The following RGL1 variants were observed in gnomAD, a reference collection of about 807,000 sequenced individuals.
RGL1 encodes the protein ral guanine nucleotide dissociation stimulator like 1.
In RGL1, 24 loss-of-function variants were observed where a neutral mutation model predicts 95.2. That is an observed-to-expected ratio of 0.25 (90% CI 0.18 to 0.35). The LOEUF (loss-of-function observed/expected upper bound fraction) is 0.35. Ranked by LOEUF, RGL1 falls within the 10% of genes least tolerant of loss-of-function variation. RGL1 has a pLI of 1.00. For missense variants in RGL1, 715 were observed against 936.3 expected, an observed-to-expected ratio of 0.76 and a Z score of 3.08; for synonymous variants, 329 against 344.9, an observed-to-expected ratio of 0.95 and a Z score of 0.51.
chr1:183,812,962 A>G (rs1389153226), intron 2 of RGL1, among the ~76,000 whole-genome samples: 1 of 152,224 alleles, frequency 6.6e-6, no homozygotes, highest in African/African-American at 2.4e-5. Flanking sequence ...AATCTGCTTC[A>G]TCTTTAATGT....
chr1:183,819,530 A>G (rs1285467658), intron 2 of RGL1, among the ~76,000 whole-genome samples: 1 of 152,202 alleles, frequency 6.6e-6, no homozygotes, highest in Non-Finnish European at 1.5e-5. Context: ...GGCAAAATGT[A>G]AAGTTTATGC....
rs187342362 is a variant in RGL1, at chr1:183,911,394, G to C, written c.1563-688G>C. ...TGGGCCCTGGCTGTATATAGTTTTG[G>C]TTCTAACTCCTCACCATTCATAAAC... On this transcript the variant is annotated intron_variant, in intron 14 of 17. Coordinates refer to ENST00000360851, the MANE Select transcript of RGL1 (RefSeq NM_001297671.3). Among the ~76,000 whole-genome samples the C allele has an allele frequency of 7.9e-5, 12 of 152,256 alleles. No homozygotes were observed. The East Asian group carries it at 1.7e-3, about 22-fold the overall frequency.
chr1:183,674,301 A>G (rs1211169357), intron 1 of RGL1, among the ~76,000 whole-genome samples: 4 of 152,220 alleles, frequency 2.6e-5, no homozygotes, highest in Admixed American at 6.5e-5. Context: ...ATTTGTACCT[A>G]TAGTATTAAT....
intron 2 of RGL1, among the ~76,000 whole-genome samples, chr1:183,813,251 A>G (rs1173686097): frequency 5.9e-5 from 9 of 152,226 alleles, no homozygotes; most frequent in Non-Finnish European, 2.9e-5. Context: ...GCAGGTCAGC[A>G]AAAGGCTTTC....
intron 1 of RGL1, among the ~76,000 whole-genome samples, chr1:183,675,748 T>TC (rs1378344088): frequency 6.6e-6 from 1 of 152,190 alleles, no homozygotes; most frequent in African/African-American, 2.4e-5. Context: ...TATCCTCTGC[T>TC]CTTTAGTTTC....
At chr1:183,672,570 C>G (rs1054693314) in intron 1 of RGL1, among the ~76,000 whole-genome samples, 2 of 152,280 alleles carry the variant, frequency 1.3e-5, no homozygotes, top group Admixed American at 6.5e-5. Flanking sequence ...TCTAGTTCTC[C>G]ACTTCTTTCT....
chr1:183,732,442 A>G (rs1656682547), intron 1 of RGL1, among the ~76,000 whole-genome samples: 1 of 152,184 alleles, frequency 6.6e-6, no homozygotes, highest in Non-Finnish European at 1.5e-5. Flanking sequence ...TAAAGCCGAC[A>G]CCCAACCGAG....
At chr1:183,687,746 CCTT>C (rs946737497) in intron 1 of RGL1, among the ~76,000 whole-genome samples, 2 of 152,130 alleles carry the variant, frequency 1.3e-5, no homozygotes, top group African/African-American at 4.8e-5. Flanking sequence ...TTTGGACTGC[CCTT>C]CTTCCACTAA....
chr1:183,805,214 G>A lies in RGL1; in HGVS notation c.-84G>A, dbSNP rs534412861. On this transcript the variant is annotated 5_prime_UTR_variant, in exon 1 of 18. Coordinates refer to ENST00000360851, the MANE Select transcript of RGL1 (RefSeq NM_001297671.3). ...GGGACCGGGACCGGGGCGAGGCGCC[G>A]CGGGGCTGAGCCCAGCAGACATTGC... The A allele has an allele frequency of 1.5e-3, 2,364 of 1,564,290 alleles. 23 individuals carry two copies. The highest frequency in any genetic ancestry group is 0.012 in the South Asian group (1,019 of 84,630).
At chr1:183,762,770 GA>G (rs1194914370) in intron 2 of RGL1, among the ~76,000 whole-genome samples, 4 of 152,292 alleles carry the variant, frequency 2.6e-5, no homozygotes, top group African/African-American at 9.6e-5. Flanking sequence ...GGAGAAATAG[GA>G]ATGCTTTTAC....
At chr1:183,672,622 A>G (rs762691887) in intron 1 of RGL1, among the ~76,000 whole-genome samples, 24 of 152,322 alleles carry the variant, frequency 1.6e-4, no homozygotes, top group Middle Eastern at 6.8e-3. Context: ...AAGGGGTTTT[A>G]AAAATCCAGT....
intron 3 of RGL1, among the ~76,000 whole-genome samples, chr1:183,852,683 G>A (rs1455514657): frequency 6.6e-6 from 1 of 152,036 alleles, no homozygotes; most frequent in Non-Finnish European, 1.5e-5. Flanking sequence ...TATGGTGGCA[G>A]GCGTCTGTAG....
At chr1:183,824,420 C>A (rs1000778296) in intron 2 of RGL1, among the ~76,000 whole-genome samples, 1 of 152,122 alleles carries the variant, frequency 6.6e-6, no homozygotes, top group African/African-American at 2.4e-5. Context: ...TCCTCTTCAC[C>A]ATGCTGGTCC....
intron 1 of RGL1, among the ~76,000 whole-genome samples, chr1:183,729,513 A>G (rs1191983336): frequency 6.6e-6 from 1 of 152,186 alleles, no homozygotes; most frequent in Non-Finnish European, 1.5e-5. Flanking sequence ...TTTCCTGCAT[A>G]CACCGCTTAT....
chr1:183,677,860 C>G (rs1652938722), intron 1 of RGL1, among the ~76,000 whole-genome samples: 1 of 152,142 alleles, frequency 6.6e-6, no homozygotes, highest in Non-Finnish European at 1.5e-5. Flanking sequence ...GGACTTGAAT[C>G]CAGTCTGTGT....
chr1:183,724,240 G>A lies in RGL1; in HGVS notation c.-32-17886G>A, dbSNP rs142102033. ...GGTGTGACACAGCACATTCCCAGCT[G>A]TGGTGGCTATGAGGAGAGACTGTTT... On this transcript the variant is annotated intron_variant, in intron 1 of 18. Transcript: ENST00000304685. The surrounding 1 kb of genome is among the most constrained non-coding windows in gnomAD (Gnocchi z 4.1). Among the ~76,000 whole-genome samples the A allele has an allele frequency of 8.5e-5, 13 of 152,280 alleles. No homozygotes were observed. The East Asian group carries it at 2.5e-3, about 29-fold the overall frequency.
chr1:183,887,547 A>C (rs1667190216), intron 7 of RGL1, among the ~76,000 whole-genome samples: 1 of 152,242 alleles, frequency 6.6e-6, no homozygotes, highest in East Asian at 1.9e-4. Context: ...GTACGCTGTC[A>C]TGTGCCTGTA....
At chr1:183,787,349 C>A (rs1660228683) in intron 2 of RGL1, among the ~76,000 whole-genome samples, 1 of 152,232 alleles carries the variant, frequency 6.6e-6, no homozygotes, top group Non-Finnish European at 1.5e-5. Flanking sequence ...GGTACGAGTT[C>A]TTTGTCTGAA....
At chr1:183,732,530 TA>T (rs1656689575) in intron 1 of RGL1, among the ~76,000 whole-genome samples, 1 of 152,164 alleles carries the variant, frequency 6.6e-6, no homozygotes, top group Non-Finnish European at 1.5e-5. Context: ...GGCTATCGAA[TA>T]CTGTATGTGT....
Sources: allele counts gnomAD v4.1 joint callset (sites outside exome capture counted in the v4.1 genomes callset), GRCh38; gene constraint gnomAD v4.1.1; non-coding constraint Gnocchi (gnomAD v3.1); transcripts MANE v1.5; gene names NCBI Gene and HGNC (gene_info 2026-07-23, HGNC 2026-07-21).